Variants in MACROD2 observed in about 807,000 individuals in gnomAD.
The protein encoded by MACROD2 is mono-ADP ribosylhydrolase 2.
A neutral mutation model predicts 70.4 loss-of-function variants in MACROD2; 36 were observed. That is an observed-to-expected ratio of 0.51 (90% CI 0.39 to 0.68). MACROD2 has a LOEUF of 0.68. Ranked by LOEUF, MACROD2 falls within the 30% of genes least tolerant of loss-of-function variation. MACROD2 has a pLI of 0.00. For missense variants in MACROD2, 496 were observed against 538.4 expected, an observed-to-expected ratio of 0.92 and a Z score of 0.78; for synonymous variants, 172 against 178.8, an observed-to-expected ratio of 0.96 and a Z score of 0.30.
chr20:15,111,689 T>C (rs2075956591), intron 5 of MACROD2, among the ~76,000 whole-genome samples: 1 of 152,164 alleles, frequency 6.6e-6, no homozygotes, highest in Non-Finnish European at 1.5e-5. Flanking sequence ...CCAGAGAAAT[T>C]AGGTGGGCAT....
At chr20:14,155,841 A>G (rs1438418162) in intron 3 of MACROD2, among the ~76,000 whole-genome samples, 10 of 152,216 alleles carry the variant, frequency 6.6e-5, no homozygotes, top group Admixed American at 6.5e-4. Flanking sequence ...ATATTTAATT[A>G]TAAATATCAG....
rs551771987 is a variant in MACROD2, at chr20:15,772,949, C to A, written c.646-89796C>A. On this transcript the variant is annotated intron_variant, in intron 8 of 17. Transcript: ENST00000684519. ...TCACTATGACGAGGAGAGCACATCA[C>A]CTCCCTCTTAACACGTGGTAATTAC... Among the ~76,000 whole-genome samples, 4 of 152,206 alleles carry A rather than the reference C, an allele frequency of 2.6e-5. No homozygotes were observed. In the East Asian group the frequency reaches 5.8e-4, roughly 22 times the overall value.
At chr20:14,164,863 C>T (rs952706863) in intron 3 of MACROD2, among the ~76,000 whole-genome samples, 8 of 152,142 alleles carry the variant, frequency 5.3e-5, no homozygotes, top group Non-Finnish European at 8.8e-5. Flanking sequence ...TGTAAGCAGG[C>T]GGCTGGGACG....
In MACROD2 at chr20:14,936,117, A is replaced by G. The variant is rs376951217; in HGVS notation, c.418+251158A>G. Among the ~76,000 whole-genome samples the G allele has an allele frequency of 3.9e-5, 6 of 152,162 alleles. No individual in the cohort carries two copies. In the East Asian group the frequency reaches 9.6e-4, roughly 24 times the overall value. On this transcript the variant is annotated intron_variant, in intron 5 of 17. Transcript: ENST00000684519. ...AGTAAATAAAACATCTGCAAAAAAA[A>G]TGTTAATATGAGTATGTGGTATAAA...
At chr20:14,610,220 TA>T (rs1334963541) in intron 4 of MACROD2, among the ~76,000 whole-genome samples, 1 of 152,148 alleles carries the variant, frequency 6.6e-6, no homozygotes, top group Non-Finnish European at 1.5e-5. Context: ...TAAACAACAT[TA>T]AAAGACTTAA....
In MACROD2 at chr20:15,005,525, A is replaced by G. The variant is rs1473787916; in HGVS notation, c.419-224415A>G. On this transcript the variant is annotated intron_variant, in intron 5 of 17. Transcript: ENST00000684519. Reference sequence around the variant, plus strand: ...ACATACCACGCATTTTAATTTTCAAAGAGTAACCTTTGGTTAGCATTAAAG... The same window carrying G: ...ACATACCACGCATTTTAATTTTCAAGGAGTAACCTTTGGTTAGCATTAAAG... 2.0e-5 allele frequency among the ~76,000 whole-genome samples: 3 copies of G among 152,206 alleles called. No individual in the cohort carries two copies. In the East Asian group the frequency reaches 5.8e-4, roughly 29 times the overall value.
intron 3 of MACROD2, among the ~76,000 whole-genome samples, chr20:14,163,366 C>A (rs1160731399): frequency 6.6e-6 from 1 of 151,882 alleles, no homozygotes; most frequent in Non-Finnish European, 1.5e-5. Flanking sequence ...TTTTTTCTTG[C>A]TGTTTTTGGA....
intron 8 of MACROD2, among the ~76,000 whole-genome samples, chr20:15,780,005 GC>G (rs545527556): frequency 2.0e-5 from 3 of 151,924 alleles, no homozygotes; most frequent in Non-Finnish European, 4.4e-5. Flanking sequence ...TAGAGGAGTT[GC>G]TCCATTACAA....
At chr20:15,754,540 G>A (rs2051318843) in intron 8 of MACROD2, among the ~76,000 whole-genome samples, 1 of 151,850 alleles carries the variant, frequency 6.6e-6, no homozygotes, top group Non-Finnish European at 1.5e-5. Flanking sequence ...AGCCTGGGAG[G>A]CAGAGGTTGC....
intron 3 of MACROD2, among the ~76,000 whole-genome samples, chr20:14,134,222 T>C (rs1053365056): frequency 6.6e-5 from 10 of 152,192 alleles, no homozygotes; most frequent in Non-Finnish European, 1.2e-4. Flanking sequence ...CTTATCTCAG[T>C]AGTACTTGGC....
intron 10 of MACROD2, among the ~76,000 whole-genome samples, chr20:15,913,601 CTTGT>C (rs1306458890): frequency 1.3e-5 from 2 of 152,048 alleles, no homozygotes; most frequent in African/African-American, 2.4e-5. Context: ...TTGGAATGTG[CTTGT>C]TTGTTTGTGT....
At chr20:14,820,357 C>CTTTTTTTT (rs11475238) in intron 5 of MACROD2, among the ~76,000 whole-genome samples, 17 of 116,134 alleles carry the variant, frequency 1.5e-4, no homozygotes, top group South Asian at 2.8e-4. Flanking sequence ...ATTTTTCTTC[C>CTTTTTTTT]TTTTTTTTTT....
At chr20:15,070,564 G>A (rs193253367) in intron 5 of MACROD2, among the ~76,000 whole-genome samples, 86 of 152,186 alleles carry the variant, frequency 5.7e-4, no homozygotes, top group African/African-American at 1.9e-3. Context: ...GAATGGCTTG[G>A]TGTCCTCCCC....
chr20:15,617,121 G>GT (rs1237839752), intron 8 of MACROD2, among the ~76,000 whole-genome samples: 6 of 151,936 alleles, frequency 3.9e-5, no homozygotes, highest in East Asian at 1.9e-4. Flanking sequence ...TTTTTATTTT[G>GT]TTTTTTTCAA....
chr20:14,141,102 T>G (rs2054867522), intron 3 of MACROD2, among the ~76,000 whole-genome samples: 1 of 152,226 alleles, frequency 6.6e-6, no homozygotes, highest in Non-Finnish European at 1.5e-5. Flanking sequence ...ATTCTAATCC[T>G]GAGTGATTCA....
chr20:15,259,248 T>A (rs2077227241), intron 6 of MACROD2, among the ~76,000 whole-genome samples: 1 of 151,992 alleles, frequency 6.6e-6, no homozygotes. Context: ...ACAGTGGGAT[T>A]CCAGGCTTCC....
chr20:15,362,008 C>CTTTTTT (rs34029805), intron 6 of MACROD2, among the ~76,000 whole-genome samples: 2 of 142,470 alleles, frequency 1.4e-5, no homozygotes, highest in African/African-American at 5.2e-5. Context: ...TTATTTCTTC[C>CTTTTTT]TTTTTTTTTT....
At chr20:14,536,581 G>A (rs2085365949) in intron 4 of MACROD2, among the ~76,000 whole-genome samples, 1 of 151,272 alleles carries the variant, frequency 6.6e-6, no homozygotes, top group South Asian at 2.1e-4. Context: ...TTTTATCTTT[G>A]AACAAAATCT....
At chr20:14,128,136 CT>C in intron 3 of MACROD2, 1 of 509,150 alleles carries the variant, frequency 2.0e-6, no homozygotes, top group Non-Finnish European at 3.8e-6. Flanking sequence ...AATCTTGGCC[CT>C]TCCTAATGGA....
Sources: allele counts gnomAD v4.1 joint callset (sites outside exome capture counted in the v4.1 genomes callset), GRCh38; gene constraint gnomAD v4.1.1; transcripts MANE v1.5; gene names NCBI Gene and HGNC (gene_info 2026-07-23, HGNC 2026-07-21).